Variants in FGF14 observed in about 807,000 individuals in gnomAD.
The protein encoded by FGF14 is fibroblast growth factor homologous factor 4.
FGF14 carries 5 observed loss-of-function variants against 25.5 expected under a neutral mutation model. The ratio of observed to expected loss-of-function variants is 0.20; its 90% CI spans 0.10 to 0.41. The LOEUF (loss-of-function observed/expected upper bound fraction) is 0.41. Ranked by LOEUF, FGF14 falls within the 10% of genes least tolerant of loss-of-function variation. FGF14 has a pLI of 1.00. For missense variants in FGF14, 222 were observed against 320.1 expected (o/e 0.69, Z 2.34); for synonymous variants, 138 against 118.3 (o/e 1.17, Z -1.08).
chr13:102,001,570 C>G (rs1165947422), intron 1 of FGF14, among the ~76,000 whole-genome samples: 1 of 152,166 alleles, frequency 6.6e-6, no homozygotes, highest in Non-Finnish European at 1.5e-5. Context: ...GGGTGTATCC[C>G]ACACCCGTAA....
intron 3 of FGF14, among the ~76,000 whole-genome samples, chr13:101,799,148 T>C (rs1419471750): frequency 6.6e-6 from 1 of 152,108 alleles, no homozygotes; most frequent in Non-Finnish European, 1.5e-5. Context: ...AGTCTCAGCA[T>C]AATTTGGCTT....
chr13:102,077,036 A>G (rs2043396943), intron 1 of FGF14, among the ~76,000 whole-genome samples: 1 of 152,182 alleles, frequency 6.6e-6, no homozygotes. Flanking sequence ...GGGAATGAAC[A>G]GTATTTTCAT....
At chr13:101,810,704 G>T (rs2041456616) in intron 3 of FGF14, among the ~76,000 whole-genome samples, 1 of 152,106 alleles carries the variant, frequency 6.6e-6, no homozygotes, top group African/African-American at 2.4e-5. Context: ...CAACCCTCAA[G>T]GGAGCTCTTT....
At chr13:101,734,641 AATG>A (rs2036049458) in intron 3 of FGF14, among the ~76,000 whole-genome samples, 1 of 152,194 alleles carries the variant, frequency 6.6e-6, no homozygotes, top group East Asian at 1.9e-4. Flanking sequence ...TAACAATAAT[AATG>A]ATGTTAATAA....
At position 102,113,467 on chromosome 13, in the gene FGF14, AT is replaced by A. The variant is rs2045327170; in HGVS notation, c.209-238172del. ...TAAACCACAAAGATCCCTGGGGACT[AT>A]TTACTGTAAAATACAACTACATGGA... On this transcript the variant is annotated intron_variant, in intron 1 of 4. Transcript: ENST00000376131. 5.9e-5 allele frequency among the ~76,000 whole-genome samples: 9 copies of A among 152,326 alleles called. No individual in the cohort carries two copies. In the South Asian group the frequency reaches 1.9e-3, roughly 32 times the overall value.
intron 1 of FGF14, among the ~76,000 whole-genome samples, chr13:101,961,161 C>A (rs940475872): frequency 6.6e-6 from 1 of 152,134 alleles, no homozygotes; most frequent in Admixed American, 6.5e-5. Flanking sequence ...ATGACAGTTT[C>A]TTTCACTGTG....
upstream of FGF14, among the ~76,000 whole-genome samples, chr13:101,919,738 T>C (rs1396550604): frequency 6.6e-6 from 1 of 152,216 alleles, no homozygotes; most frequent in East Asian, 1.9e-4. Flanking sequence ...AAAAGCAGTT[T>C]CTCACTTTTT....
At chr13:102,055,542 T>C (rs2042391972) in intron 1 of FGF14, among the ~76,000 whole-genome samples, 1 of 152,258 alleles carries the variant, frequency 6.6e-6, no homozygotes, top group African/African-American at 2.4e-5. Flanking sequence ...TACCCTGTTC[T>C]ATTAACAAAT....
At chr13:101,959,819 T>C (rs546079900) in intron 1 of FGF14, among the ~76,000 whole-genome samples, 10 of 152,346 alleles carry the variant, frequency 6.6e-5, no homozygotes, top group Non-Finnish European at 1.3e-4. Context: ...ATTCCAGTCA[T>C]GCTTCATCCA....
intron 1 of FGF14, among the ~76,000 whole-genome samples, chr13:102,237,993 G>A (rs1344808952): frequency 3.3e-5 from 5 of 152,080 alleles, no homozygotes; most frequent in African/African-American, 1.2e-4. Context: ...TTTCAATTAT[G>A]CAGCTATTTA....
At chr13:101,948,571 C>T (rs758849703) in intron 1 of FGF14, among the ~76,000 whole-genome samples, 6 of 151,674 alleles carry the variant, frequency 4.0e-5, no homozygotes, top group Non-Finnish European at 7.4e-5. Flanking sequence ...ATCACAAATG[C>T]AAATATTAAA....
chr13:102,196,962 T>TTG (rs1308123918), intron 1 of FGF14, among the ~76,000 whole-genome samples: 1 of 151,650 alleles, frequency 6.6e-6, no homozygotes, highest in Non-Finnish European at 1.5e-5. Context: ...TTTTGGTTTT[T>TTG]TTTTTTCTGC....
At chr13:102,207,141 A>G (rs1169580713) in intron 1 of FGF14, among the ~76,000 whole-genome samples, 1 of 151,966 alleles carries the variant, frequency 6.6e-6, no homozygotes, top group East Asian at 1.9e-4. Flanking sequence ...TTAGCCAGGC[A>G]TGGTGGCACA....
At position 101,793,768 on chromosome 13, in the gene FGF14, G is replaced by A. The variant is rs538664510; in HGVS notation, c.409-66958C>T. On this transcript the variant is annotated intron_variant, in intron 3 of 4. Transcript: ENST00000376143. ...CACCCAAACTGATTCACTCATTGAC[G>A]CACCTGACCCCCTAAATATGTGAGT... is the stretch of plus-strand genomic sequence containing the variant. 4.5e-4 allele frequency among the ~76,000 whole-genome samples: 68 copies of A among 152,086 alleles called. No homozygotes were observed. The East Asian group carries it at 6.0e-3, about 13-fold the overall frequency.
At chr13:101,730,224 AAAGTT>A (rs2035716695) in intron 3 of FGF14, among the ~76,000 whole-genome samples, 1 of 152,222 alleles carries the variant, frequency 6.6e-6, no homozygotes, top group South Asian at 2.1e-4. Context: ...ATGGTTTCGA[AAAGTT>A]AAGAACATGT....
chr13:101,768,495 G>A lies in FGF14; in HGVS notation c.409-41685C>T, dbSNP rs115871755. 3.7e-3 allele frequency among the ~76,000 whole-genome samples: 560 copies of A among 152,152 alleles called. 3 individuals carry two copies. The highest frequency in any genetic ancestry group is 0.013 in the African/African-American group (524 of 41,532). On this transcript the variant is annotated intron_variant, in intron 3 of 4. Coordinates refer to ENST00000376143, the MANE Select transcript of FGF14 (RefSeq NM_004115.4). ...ACTAAAGTTTACACGGAGAGGCAAA[G>A]GTCCAAGAATATCCACCACAATATT...
intron 1 of FGF14, among the ~76,000 whole-genome samples, chr13:102,186,483 T>G (rs2048879423): frequency 6.6e-6 from 1 of 152,098 alleles, no homozygotes; most frequent in Admixed American, 6.6e-5. Context: ...AATTTATACA[T>G]TAAAAGCAAT....
intron 1 of FGF14, among the ~76,000 whole-genome samples, chr13:102,053,188 A>G (rs1277221412): frequency 6.6e-6 from 1 of 152,100 alleles, no homozygotes; most frequent in African/African-American, 2.4e-5. Context: ...TAGCAGTGGT[A>G]TTTACATATC....
At chr13:102,084,547 T>C (rs2043798457) in intron 1 of FGF14, among the ~76,000 whole-genome samples, 1 of 152,186 alleles carries the variant, frequency 6.6e-6, no homozygotes, top group South Asian at 2.1e-4. Flanking sequence ...TGATTAGCGT[T>C]ATCTGCTAAT....
Sources: allele counts gnomAD v4.1 joint callset (sites outside exome capture counted in the v4.1 genomes callset), GRCh38; gene constraint gnomAD v4.1.1; transcripts MANE v1.5; gene names NCBI Gene and HGNC (gene_info 2026-07-23, HGNC 2026-07-21).